Variants in STARD10 observed in about 807,000 individuals in gnomAD.
The protein encoded by STARD10 is START domain-containing protein 10.
A neutral mutation model predicts 36.0 loss-of-function variants in STARD10; 24 were observed. That is an observed-to-expected ratio of 0.67 (90% CI 0.48 to 0.94). The LOEUF is 0.94. Among genes scored for constraint, STARD10 ranks in the 40% least tolerant of loss-of-function variants. The pLI, the probability that STARD10 is intolerant of heterozygous loss-of-function variation, is 0.00. For missense variants in STARD10, 335 were observed against 396.6 expected, an observed-to-expected ratio of 0.84 and a Z score of 1.32; for synonymous variants, 156 against 161.9, an observed-to-expected ratio of 0.96 and a Z score of 0.28.
At chr11:72,755,221 C>A (rs1351205170) in intron 6 of STARD10, 79 bp from the exon 7 acceptor site, 1 of 1,483,130 alleles carries the variant, frequency 6.7e-7, no homozygotes, top group Non-Finnish European at 9.0e-7. Context: ...GCGGCTCAGC[C>A]CCCAGCATCC....
intron 2 of STARD10, among the ~76,000 whole-genome samples, chr11:72,770,145 TTTATTTTTC>T (rs750628167): frequency 2.0e-5 from 3 of 152,232 alleles, no homozygotes; most frequent in Non-Finnish European, 2.9e-5. Flanking sequence ...ATGATTTATC[TTTATTTTTC>T]TTTTTTGGAT....
chr11:72,778,873 C>T (rs548284612), intron 2 of STARD10, among the ~76,000 whole-genome samples: 37 of 152,300 alleles, frequency 2.4e-4, no homozygotes, highest in African/African-American at 8.4e-4. Flanking sequence ...GGGTAGGGTC[C>T]TGGCTGCCCA....
At chr11:72,759,080 G>T in intron 3 of STARD10, 154 bp downstream of exon 3, 1 of 816,118 alleles carries the variant, frequency 1.2e-6, no homozygotes, top group Non-Finnish European at 2.0e-6. Context: ...GGGTCTAGGA[G>T]TGGACAGGGA....
chr11:72,762,951 T>C (rs766606473), intron 2 of STARD10, among the ~76,000 whole-genome samples: 1 of 152,170 alleles, frequency 6.6e-6, no homozygotes, highest in Non-Finnish European at 1.5e-5. Context: ...TCAGAGAAAG[T>C]ATAAGATGAG....
chr11:72,780,349 T>C (rs1460765150), intron 2 of STARD10: 3 of 414,180 alleles, frequency 7.2e-6, no homozygotes, highest in South Asian at 1.6e-5. Flanking sequence ...CCCAGGCCCC[T>C]TCCTTCCCCA....
rs1859175680 is a variant in STARD10 at position 72,793,549 on chromosome 11, T to C, written c.-788A>G. ...GTTGTCCCATTTGTAAAAGGACTGTTGTGAGGACTGAATTAGGAGAGGCGA... is the reference window on the plus strand; with the variant it reads ...GTTGTCCCATTTGTAAAAGGACTGTCGTGAGGACTGAATTAGGAGAGGCGA... On this transcript the variant is annotated 5_prime_UTR_variant, in exon 1 of 7. Coordinates refer to ENST00000334805, the MANE Select transcript of STARD10 (RefSeq NM_006645.3). 1 of 152,292 alleles carries C rather than the reference T, an allele frequency of 6.6e-6. No individual in the cohort carries two copies. Among genetic ancestry groups the C allele is most frequent in the African/African-American group, 2.4e-5 (1 of 41,466 alleles). The allele number at this position is 152,292 out of a possible 1,614,324, so 9.4% of individuals were successfully genotyped here. A position where few individuals can be genotyped will look rare whatever the true frequency, so the allele number is the denominator to read the frequency against.
rs957526801 is a variant in STARD10, at chr11:72,781,433, G to T, written c.-113-139C>A. On this transcript the variant is annotated intron_variant, in intron 1 of 6. Coordinates refer to ENST00000334805, the MANE Select transcript of STARD10 (RefSeq NM_006645.3). This position sits in a 1 kb window ranked among gnomAD's most constrained non-coding sequence, Gnocchi z 4.7. ...CGGACGGGCGCTGGACAGCCTCGGGGTCCCCCTCCCGAGGAGCGCCCCAGA... is the reference window on the plus strand; with the variant it reads ...CGGACGGGCGCTGGACAGCCTCGGGTTCCCCCTCCCGAGGAGCGCCCCAGA... 4 of 526,776 alleles carry T rather than the reference G, an allele frequency of 7.6e-6. No individual in the cohort carries two copies. Among genetic ancestry groups the T allele is most frequent in the Non-Finnish European group, 1.4e-5 (4 of 290,488 alleles). 32.6% of individuals were successfully genotyped at this position (526,776 alleles called of 1,614,324 possible).
chr11:72,792,732 G>A (rs1859163335), intron 1 of STARD10, 143 bp downstream of exon 1: 1 of 152,676 alleles, frequency 6.5e-6, no homozygotes, highest in African/African-American at 2.4e-5. Flanking sequence ...GCCCCCAGAT[G>A]GAGTTACCTG....
chr11:72,776,432 A>G (rs1391827906), intron 2 of STARD10, among the ~76,000 whole-genome samples: 1 of 152,198 alleles, frequency 6.6e-6, no homozygotes, highest in Non-Finnish European at 1.5e-5. Context: ...AATGACCCCC[A>G]AAGTCACATA....
At position 72,756,640 on chromosome 11, in the gene STARD10, G is replaced by A. The variant is rs372587975; in HGVS notation, c.578-887C>T. ...GGGCACAGAAGTGGGGATGGGTGAG[G>A]TGTGAGAGACACCAGGAGACCTGGG... On this transcript the variant is annotated intron_variant, in intron 5 of 6. Coordinates refer to ENST00000334805, the MANE Select transcript of STARD10 (RefSeq NM_006645.3). Among the ~76,000 whole-genome samples, 34 of 152,234 alleles carry A rather than the reference G, an allele frequency of 2.2e-4. 1 individual carries two copies. The East Asian group carries it at 4.1e-3, about 18-fold the overall frequency.
chr11:72,768,073 C>T (rs935702490), intron 2 of STARD10, among the ~76,000 whole-genome samples: 3 of 152,184 alleles, frequency 2.0e-5, no homozygotes, highest in South Asian at 2.1e-4. Context: ...CCCTCCACAG[C>T]GTGAGTGCAC....
In STARD10 at chr11:72,781,519, G is replaced by A. The variant is rs1858997389; in HGVS notation, c.-113-225C>T. The A allele has an allele frequency of 4.2e-6, 1 of 237,548 alleles. No homozygotes were observed. The highest frequency in any genetic ancestry group is 8.2e-6 in the Non-Finnish European group (1 of 121,748). 14.7% of individuals were successfully genotyped at this position (237,548 alleles called of 1,614,324 possible). On this transcript the variant is annotated intron_variant, in intron 1 of 6. Coordinates refer to ENST00000334805, the MANE Select transcript of STARD10 (RefSeq NM_006645.3). This position sits in a 1 kb window ranked among gnomAD's most constrained non-coding sequence, Gnocchi z 4.7. The stretch of plus-strand genomic sequence containing the variant: ...GCGGTGGCCGGCGGGCGCCCGTCGG[G>A]ACCCAGGGACTGGCCGGGACCCGAG...
chr11:72,784,074 T>C (rs1162815438), intron 1 of STARD10, among the ~76,000 whole-genome samples: 2 of 152,206 alleles, frequency 1.3e-5, no homozygotes, highest in Non-Finnish European at 2.9e-5. Context: ...CTACTCATCA[T>C]TAATTTGCCC....
chr11:72,758,602 A>AT lies in STARD10; in HGVS notation c.386dup (p.Asp129GlufsTer14). 1 of 1,614,046 alleles carries AT rather than the reference A, an allele frequency of 6.2e-7. No homozygotes were observed. Among genetic ancestry groups the AT allele is most frequent in the Non-Finnish European group, 8.5e-7 (1 of 1,179,988 alleles). On this transcript the variant is annotated frameshift_variant, in exon 4 of 7. Transcript: ENST00000334805. LOFTEE classifies it high-confidence loss of function. ...GGAGCCAGGAGCGGAGGGTGATGAC[A>AT]TCACGGTTCTTCAGGGGCTTGGGAC...
intron 5 of STARD10, among the ~76,000 whole-genome samples, chr11:72,757,510 A>C (rs1303872285): frequency 1.3e-5 from 2 of 152,230 alleles, no homozygotes; most frequent in Non-Finnish European, 2.9e-5. Context: ...AGCAGGGAAC[A>C]AGGCAGAGCA....
intron 6 of STARD10, 162 bp downstream of exon 6, chr11:72,755,539 G>A (rs1180915569): frequency 8.8e-6 from 7 of 794,162 alleles, no homozygotes; most frequent in South Asian, 1.4e-5. Context: ...TTGAACTCCC[G>A]ACCTCAGGTA....
Position 72,754,816 on chromosome 11 carries a change from G to A in STARD10, c.*81C>T, listed in dbSNP as rs375168255. 2 of 1,533,456 alleles carry A rather than the reference G, an allele frequency of 1.3e-6. No individual in the cohort carries two copies. Among genetic ancestry groups the A allele is most frequent in the African/African-American group, 1.4e-5 (1 of 72,678 alleles). 95.0% of individuals were successfully genotyped at this position (1,533,456 alleles called of 1,614,324 possible). ...GGCCCGGTGCCACCAGGTGCCGGGT[G>A]GGGGAGGGGAGAAAGTGCAGGAGCG... On this transcript the variant is annotated 3_prime_UTR_variant, in exon 7 of 7. Transcript: ENST00000334805.
rs922797307 is a variant in STARD10, at chr11:72,780,791, G to A, written c.207+184C>T. The A allele has an allele frequency of 6.1e-5, 39 of 638,726 alleles. No homozygotes were observed. The East Asian group carries it at 9.9e-4, about 16-fold the overall frequency. 39.6% of individuals were successfully genotyped at this position (638,726 alleles called of 1,614,324 possible). On this transcript the variant is annotated intron_variant, in intron 2 of 6. Coordinates refer to ENST00000334805, the MANE Select transcript of STARD10 (RefSeq NM_006645.3). Reference sequence around the variant, plus strand: ...GAGTCACTCCTGCTCTCCAGGCCTCGGTTGGCCCATCTGTGTGATGGGGCT... The same window carrying A: ...GAGTCACTCCTGCTCTCCAGGCCTCAGTTGGCCCATCTGTGTGATGGGGCT...
In STARD10 at chr11:72,793,521, C is replaced by T. The variant is rs1242546501; in HGVS notation, c.-760G>A. ...TGGAAATCTGCCTGACTTCCTCTAACCTGTTGTCCCATTTGTAAAAGGACT... is the reference window on the plus strand; with the variant it reads ...TGGAAATCTGCCTGACTTCCTCTAATCTGTTGTCCCATTTGTAAAAGGACT... On this transcript the variant is annotated 5_prime_UTR_variant, in exon 1 of 7. Coordinates refer to ENST00000334805, the MANE Select transcript of STARD10 (RefSeq NM_006645.3). The T allele has an allele frequency of 2.6e-5, 4 of 152,288 alleles. No individual in the cohort carries two copies. The highest frequency in any genetic ancestry group is 4.4e-5 in the Non-Finnish European group (3 of 68,070). The allele number at this position is 152,288 out of a possible 1,614,324, so 9.4% of individuals were successfully genotyped here.
Sources: gnomAD v4.1 joint callset for allele counts (sites outside exome capture counted in the v4.1 genomes callset) on GRCh38, gnomAD v4.1.1 for gene constraint, Gnocchi (gnomAD v3.1) non-coding constraint, MANE v1.5 for transcripts, NCBI Gene and HGNC (gene_info 2026-07-23, HGNC 2026-07-21) for gene names.